SAMD4A: variants seen among roughly 807,000 people sequenced by gnomAD.
SAMD4A encodes the protein protein Smaug homolog 1.
Under a neutral mutation model 81.3 loss-of-function variants are expected in SAMD4A, and 33 were observed. The observed-to-expected ratio is 0.41, with a 90% CI of 0.31 to 0.54. The LOEUF (loss-of-function observed/expected upper bound fraction) is 0.54. Ranked by LOEUF, SAMD4A falls within the 20% of genes least tolerant of loss-of-function variation. The pLI, the probability that SAMD4A is intolerant of heterozygous loss-of-function variation, is 0.37. For synonymous variants in SAMD4A, 389 were observed against 382.1 expected (o/e 1.02, Z -0.21); for missense variants, 854 against 951.1 (o/e 0.90, Z 1.34).
At chr14:54,651,869 C>A in intron 2 of SAMD4A, among the ~76,000 whole-genome samples, 1 of 152,206 alleles carries the variant, frequency 6.6e-6, no homozygotes, top group East Asian at 1.9e-4. Flanking sequence ...ATATAGACAT[C>A]TGAGGAAATG....
chr14:54,776,744 G>C (rs2038860636), intron 11 of SAMD4A, among the ~76,000 whole-genome samples: 2 of 152,190 alleles, frequency 1.3e-5, no homozygotes, highest in Admixed American at 1.3e-4. Context: ...CCCCAGAGTT[G>C]GTTGCAATCG....
chr14:54,641,367 G>A (rs926414421), intron 2 of SAMD4A, among the ~76,000 whole-genome samples: 1 of 152,200 alleles, frequency 6.6e-6, no homozygotes, highest in Admixed American at 6.5e-5. Context: ...ATGAGTATAT[G>A]TTTAGCCCTA....
intron 3 of SAMD4A, among the ~76,000 whole-genome samples, chr14:54,716,983 A>G (rs1335842469): frequency 6.6e-6 from 1 of 152,142 alleles, no homozygotes; most frequent in Non-Finnish European, 1.5e-5. Flanking sequence ...AGACATTGAC[A>G]TGATGATTTG....
At chr14:54,565,827 C>T (rs2032911727), upstream of SAMD4A, among the ~76,000 whole-genome samples, 1 of 152,072 alleles carries the variant, frequency 6.6e-6, no homozygotes, top group African/African-American at 2.4e-5. The surrounding 1 kb of genome is among the most constrained non-coding windows in gnomAD (Gnocchi z 5.4). Flanking sequence ...CGGACCCGTC[C>T]TCTTCCCCGA....
At chr14:54,724,010 A>AAGGAAGGAAGGAAGG (rs2037338878) in intron 3 of SAMD4A, among the ~76,000 whole-genome samples, 1 of 130,608 alleles carries the variant, frequency 7.7e-6, no homozygotes, top group South Asian at 2.8e-4. Context: ...GGATGGATGG[A>AAGGAAGGAAGGAAGG]AGGAAGGAAG....
At chr14:54,664,178 T>G (rs1182308445) in intron 2 of SAMD4A, among the ~76,000 whole-genome samples, 2 of 151,826 alleles carry the variant, frequency 1.3e-5, no homozygotes, top group Non-Finnish European at 2.9e-5. Flanking sequence ...TGCCTTTGGG[T>G]TTTTTTTCTC....
intron 2 of SAMD4A, among the ~76,000 whole-genome samples, chr14:54,592,737 G>A (rs1158059291): frequency 6.6e-6 from 1 of 152,200 alleles, no homozygotes; most frequent in Non-Finnish European, 1.5e-5. Context: ...GGGATTACAG[G>A]CGTGAGCCAC....
At chr14:54,765,901 C>T (rs140923169) in intron 8 of SAMD4A, among the ~76,000 whole-genome samples, 12 of 152,278 alleles carry the variant, frequency 7.9e-5, no homozygotes, top group Non-Finnish European at 1.6e-4. Context: ...CCCCACTTCC[C>T]CAAACCCTCA....
chr14:54,677,362 C>T (rs2140545485), intron 2 of SAMD4A, among the ~76,000 whole-genome samples: 1 of 152,278 alleles, frequency 6.6e-6, no homozygotes, highest in East Asian at 1.9e-4. Context: ...AACAAAACAG[C>T]AGCAAAAACC....
chr14:54,574,499 A>G (rs1006117143), intron 2 of SAMD4A, among the ~76,000 whole-genome samples: 1 of 152,170 alleles, frequency 6.6e-6, no homozygotes, highest in African/African-American at 2.4e-5. Flanking sequence ...TGGGCCTTTG[A>G]AGGATGAATG....
At chr14:54,729,484 A>T (rs1566607773) in intron 3 of SAMD4A, among the ~76,000 whole-genome samples, 3 of 152,176 alleles carry the variant, frequency 2.0e-5, no homozygotes. Flanking sequence ...ATCGGCTTAA[A>T]TTCACTCCTG....
chr14:54,631,563 T>C (rs1382605960), intron 2 of SAMD4A, among the ~76,000 whole-genome samples: 1 of 152,212 alleles, frequency 6.6e-6, no homozygotes, highest in Non-Finnish European at 1.5e-5. Context: ...CAGGTGGTCA[T>C]TTCTAGGGCA....
chr14:54,663,690 A>AT (rs1425404304), intron 2 of SAMD4A, among the ~76,000 whole-genome samples: 1 of 152,142 alleles, frequency 6.6e-6, no homozygotes, highest in African/African-American at 2.4e-5. Flanking sequence ...TCACGTGGTC[A>AT]TTTTTTCCCC....
At chr14:54,689,514 G>A (rs1400692378) in intron 2 of SAMD4A, 1 of 152,238 alleles carries the variant, frequency 6.6e-6, no homozygotes. Flanking sequence ...GCACAGAGTG[G>A]TTAAGTGAAT....
chr14:54,674,014 G>A (rs546202201), intron 2 of SAMD4A, among the ~76,000 whole-genome samples: 82 of 152,326 alleles, frequency 5.4e-4, no homozygotes, highest in African/African-American at 1.9e-3. Flanking sequence ...ATAGAATTAA[G>A]TCGGGGGAGT....
At chr14:54,625,179 C>A (rs1239569197) in intron 2 of SAMD4A, among the ~76,000 whole-genome samples, 1 of 152,118 alleles carries the variant, frequency 6.6e-6, no homozygotes, top group South Asian at 2.1e-4. Flanking sequence ...AGGCAATCCC[C>A]AAAACTGCCA....
chr14:54,699,715 G>A (rs190334608), intron 2 of SAMD4A, among the ~76,000 whole-genome samples: 1 of 152,096 alleles, frequency 6.6e-6, no homozygotes, highest in Non-Finnish European at 1.5e-5. Context: ...CTACTAGAAA[G>A]TTTAGAATAC....
intron 2 of SAMD4A, among the ~76,000 whole-genome samples, chr14:54,662,160 T>G (rs1368731339): frequency 6.6e-6 from 1 of 152,156 alleles, no homozygotes; most frequent in Non-Finnish European, 1.5e-5. Context: ...GGGGTTTTGA[T>G]CGCTTAGTTA....
At chr14:54,621,513 A>G (rs750084857) in intron 2 of SAMD4A, among the ~76,000 whole-genome samples, 7 of 144,730 alleles carry the variant, frequency 4.8e-5, no homozygotes, top group Non-Finnish European at 9.1e-5. Context: ...CCATGCCCAA[A>G]TAATTTTTTT....
Sources: allele counts gnomAD v4.1 joint callset (sites outside exome capture counted in the v4.1 genomes callset), GRCh38; gene constraint gnomAD v4.1.1; non-coding constraint Gnocchi (gnomAD v3.1); transcripts MANE v1.5; gene names NCBI Gene and HGNC (gene_info 2026-07-23, HGNC 2026-07-21).